The following MYRIP variants were observed in gnomAD, a reference collection of about 807,000 sequenced individuals.
MYRIP encodes the protein myosin VIIA and Rab interacting protein.
MYRIP carries 49 observed loss-of-function variants against 98.0 expected under a neutral mutation model. That is an observed-to-expected ratio of 0.50 (90% CI 0.40 to 0.63). The LOEUF is 0.63. MYRIP is among the 30% of genes least tolerant of loss of function. The pLI is 0.00. For missense variants in MYRIP, 1,004 were observed against 1,058.2 expected, an observed-to-expected ratio of 0.95 and a Z score of 0.71; for synonymous variants, 404 against 409.5, an observed-to-expected ratio of 0.99 and a Z score of 0.16.
At chr3:39,818,040 T>C (rs1940980138) in intron 1 of MYRIP, among the ~76,000 whole-genome samples, 1 of 152,224 alleles carries the variant, frequency 6.6e-6, no homozygotes, top group Non-Finnish European at 1.5e-5. Context: ...TTTATTCTTC[T>C]GTCATTACTT....
intron 1 of MYRIP, among the ~76,000 whole-genome samples, chr3:39,853,792 C>G (rs919008855): frequency 6.6e-6 from 1 of 152,006 alleles, no homozygotes; most frequent in South Asian, 2.1e-4. Context: ...GTTTTTGTTG[C>G]ATTTGCTTTT....
chr3:40,030,612 G>T (rs1015536389), intron 2 of MYRIP, among the ~76,000 whole-genome samples: 1 of 152,060 alleles, frequency 6.6e-6, no homozygotes, highest in Non-Finnish European at 1.5e-5. Context: ...AAATAAAATG[G>T]TATATCCATA....
In MYRIP at chr3:40,236,987, T is replaced by A. The variant is rs2125703966; in HGVS notation, c.2100+2934T>A. Among the ~76,000 whole-genome samples the A allele has an allele frequency of 1.3e-5, 2 of 152,194 alleles. 1 individual carries two copies. The highest frequency in any genetic ancestry group is 6.8e-3 in the Middle Eastern group (2 of 294). ...AGCCATTATGCCCAGCCTGAAGTAT[T>A]TTTTGATAAAAGTTAAAACAACAAG... On this transcript the variant is annotated intron_variant, in intron 12 of 16. Transcript: ENST00000302541.
chr3:39,963,849 A>G (rs1345088588), intron 2 of MYRIP, among the ~76,000 whole-genome samples: 1 of 152,140 alleles, frequency 6.6e-6, no homozygotes, highest in Non-Finnish European at 1.5e-5. Flanking sequence ...TATTCATATT[A>G]TATGTTAGAA....
intron 1 of MYRIP, among the ~76,000 whole-genome samples, chr3:39,863,945 T>C (rs1361511652): frequency 6.6e-6 from 1 of 152,098 alleles, no homozygotes; most frequent in African/African-American, 2.4e-5. Context: ...AAAAAGCTAA[T>C]CCATGATTAT....
intron 2 of MYRIP, among the ~76,000 whole-genome samples, chr3:39,973,888 C>T (rs545745832): frequency 1.2e-4 from 18 of 152,098 alleles, no homozygotes; most frequent in South Asian, 4.1e-4. Flanking sequence ...ATCTCTGGGA[C>T]GCATTCAAAG....
At chr3:40,003,021 T>C (rs1946554696) in intron 2 of MYRIP, among the ~76,000 whole-genome samples, 1 of 111,550 alleles carries the variant, frequency 9.0e-6, no homozygotes, top group African/African-American at 3.0e-5. Context: ...AATACATATG[T>C]AGATATCTAT....
intron 16 of MYRIP, among the ~76,000 whole-genome samples, chr3:40,256,087 G>A (rs1482444107): frequency 1.3e-5 from 2 of 152,192 alleles, no homozygotes; most frequent in Non-Finnish European, 2.9e-5. Context: ...CACTTGAAAT[G>A]TGGCTACTGC....
At chr3:40,109,521 A>G (rs1949116984) in intron 3 of MYRIP, among the ~76,000 whole-genome samples, 2 of 152,124 alleles carry the variant, frequency 1.3e-5, no homozygotes, top group South Asian at 2.1e-4. Context: ...TGGTTCATTC[A>G]CTCCTGTAAT....
chr3:40,145,594 A>G (rs1221216049), intron 3 of MYRIP, among the ~76,000 whole-genome samples: 1 of 152,166 alleles, frequency 6.6e-6, no homozygotes, highest in Non-Finnish European at 1.5e-5. Context: ...TTTGAGAGGG[A>G]CTTTAGAATC....
chr3:39,907,115 G>A (rs1006591613), intron 2 of MYRIP, among the ~76,000 whole-genome samples: 4 of 152,024 alleles, frequency 2.6e-5, no homozygotes, highest in Non-Finnish European at 4.4e-5. Context: ...TGTCTGCTTG[G>A]GTGTTGGGCA....
At chr3:39,861,309 C>T (rs1942463832) in intron 1 of MYRIP, among the ~76,000 whole-genome samples, 1 of 152,046 alleles carries the variant, frequency 6.6e-6, no homozygotes, top group African/African-American at 2.4e-5. Flanking sequence ...CCCCCAAGGA[C>T]ATCAAAGAGG....
Position 40,166,864 on chromosome 3 carries a change from C to T in MYRIP, c.569C>T (p.Thr190Ile). ...RQSEGHSVMD[T>I]LAVALRVAEE... is the part of the protein sequence containing the mutation. ...TGTCTAGGACATAGTGTGATGGACA[C>T]CTTGGCTGTGGCCCTACGGGTGGCT... Residue 190 changes from threonine (T) to isoleucine (I), a missense_variant, in exon 6 of 17, where the codon ACC (threonine) becomes ATC (isoleucine). Coordinates refer to ENST00000302541, the MANE Select transcript of MYRIP (RefSeq NM_015460.4). 2 of 1,613,236 alleles carry T rather than the reference C, an allele frequency of 1.2e-6. No individual in the cohort carries two copies. The highest frequency in any genetic ancestry group is 1.3e-5 in the African/African-American group (1 of 75,022).
At position 40,189,892 on chromosome 3, in the gene MYRIP, C is replaced by T. The variant is rs55785561; in HGVS notation, c.1094C>T (p.Pro365Leu). ...WVALKDGAPP[P>L]TRLLAKPKSG... ...GCCCTGAAGGATGGCGCTCCACCCC[C>T]CACCCGACTACTGGCCAAACCTAAG... is the stretch of plus-strand genomic sequence containing the variant. Residue 365 changes from proline (P) to leucine (L), a missense_variant, in exon 10 of 17, where the codon CCC (proline) becomes CTC (leucine). Transcript: ENST00000302541. The T allele has an allele frequency of 0.072, 116,871 of 1,614,130 alleles. 5,123 individuals are homozygous for T. The highest frequency in any genetic ancestry group is 0.23 in the East Asian group (10,346 of 44,854).
At chr3:40,036,606 G>A (rs1378788131) in intron 2 of MYRIP, among the ~76,000 whole-genome samples, 1 of 151,956 alleles carries the variant, frequency 6.6e-6, no homozygotes, top group African/African-American at 2.4e-5. Context: ...CAACACTCCT[G>A]CAAATAAAAA....
At chr3:39,898,665 C>T (rs951653423) in intron 1 of MYRIP, among the ~76,000 whole-genome samples, 1 of 152,040 alleles carries the variant, frequency 6.6e-6, no homozygotes, top group African/African-American at 2.4e-5. Context: ...GACCTGTTTT[C>T]TCATTTGTAA....
chr3:39,957,278 A>G (rs530718296), intron 2 of MYRIP, among the ~76,000 whole-genome samples: 1 of 151,980 alleles, frequency 6.6e-6, no homozygotes, highest in Admixed American at 6.5e-5. Context: ...AAAAATCCCC[A>G]ATAAAATACT....
chr3:40,056,184 T>A (rs1947881790), intron 3 of MYRIP, among the ~76,000 whole-genome samples: 1 of 152,210 alleles, frequency 6.6e-6, no homozygotes, highest in African/African-American at 2.4e-5. Flanking sequence ...CCTTGGGATG[T>A]AATTAAATAT....
At chr3:40,233,346 G>A (rs1952719339) in intron 11 of MYRIP, among the ~76,000 whole-genome samples, 1 of 152,154 alleles carries the variant, frequency 6.6e-6, no homozygotes, top group Non-Finnish European at 1.5e-5. Context: ...ATTCTTTCTA[G>A]TACTCTCATT....
Sources: gnomAD v4.1 joint callset for allele counts (sites outside exome capture counted in the v4.1 genomes callset) on GRCh38, gnomAD v4.1.1 for gene constraint, MANE v1.5 for transcripts, NCBI Gene and HGNC (gene_info 2026-07-23, HGNC 2026-07-21) for gene names.